CNTNAP2: variants seen among roughly 807,000 people sequenced by gnomAD.
CNTNAP2 encodes the protein contactin associated protein 2, also known as contactin-associated protein-like 2.
A neutral mutation model predicts 155.2 loss-of-function variants in CNTNAP2; 98 were observed. The ratio of observed to expected loss-of-function variants is 0.63; its 90% confidence interval spans 0.54 to 0.75. The LOEUF is 0.75. Ranked by LOEUF, CNTNAP2 falls within the 30% of genes least tolerant of loss-of-function variation. CNTNAP2 has a pLI of 0.00. For synonymous variants in CNTNAP2, 651 were observed against 631.2 expected, an observed-to-expected ratio of 1.03 and a Z score of -0.47; for missense variants, 1,727 against 1,688.1, an observed-to-expected ratio of 1.02 and a Z score of -0.40.
intron 1 of CNTNAP2, among the ~76,000 whole-genome samples, chr7:146,449,352 C>T (rs1419045374): frequency 6.6e-6 from 1 of 152,012 alleles, no homozygotes; most frequent in Non-Finnish European, 1.5e-5. Context: ...TAATTTGTGG[C>T]CCTTTTTTCC....
At chr7:146,400,266 TAAA>T (rs10618573) in intron 1 of CNTNAP2, among the ~76,000 whole-genome samples, 3 of 148,788 alleles carry the variant, frequency 2.0e-5, no homozygotes, top group South Asian at 2.1e-4. Flanking sequence ...GCTATTCTAG[TAAA>T]AAAAAAAAAT....
chr7:148,120,329 C>T (rs1563205776), intron 16 of CNTNAP2, among the ~76,000 whole-genome samples: 1 of 151,602 alleles, frequency 6.6e-6, no homozygotes, highest in African/African-American at 2.4e-5. Flanking sequence ...TGCAATGGTG[C>T]AATCATGGTT....
chr7:147,113,446 A>C (rs959210019), intron 5 of CNTNAP2, among the ~76,000 whole-genome samples: 1 of 151,948 alleles, frequency 6.6e-6, no homozygotes. Context: ...GATTTATTAA[A>C]AAAAAAAAAG....
intron 13 of CNTNAP2, among the ~76,000 whole-genome samples, chr7:147,824,275 C>T (rs1364894084): frequency 6.6e-6 from 1 of 152,090 alleles, no homozygotes; most frequent in Non-Finnish European, 1.5e-5. Context: ...TTCTTCCTTC[C>T]TTGTCTTCTA....
chr7:148,120,061 T>C (rs189088627), intron 16 of CNTNAP2, among the ~76,000 whole-genome samples: 2 of 151,628 alleles, frequency 1.3e-5, no homozygotes, highest in Admixed American at 1.3e-4. Context: ...TTTAGAAAGA[T>C]TTTATGGCCA....
At chr7:148,006,799 C>T (rs774173523) in intron 15 of CNTNAP2, among the ~76,000 whole-genome samples, 11 of 151,982 alleles carry the variant, frequency 7.2e-5, no homozygotes, top group African/African-American at 1.9e-4. Context: ...AATCATATTC[C>T]GTTCTTTCAT....
At chr7:147,043,387 A>T in intron 3 of CNTNAP2, among the ~76,000 whole-genome samples, 1 of 152,202 alleles carries the variant, frequency 6.6e-6, no homozygotes, top group East Asian at 1.9e-4. Flanking sequence ...CATGTTTCTG[A>T]TCCATTGAAC....
chr7:146,188,548 T>C (rs1798655463), intron 1 of CNTNAP2, among the ~76,000 whole-genome samples: 1 of 152,184 alleles, frequency 6.6e-6, no homozygotes, highest in South Asian at 2.1e-4. Flanking sequence ...ACACATGGCT[T>C]AGACAGGTTA....
intron 13 of CNTNAP2, among the ~76,000 whole-genome samples, chr7:147,826,556 G>A (rs947755101): frequency 2.6e-5 from 4 of 152,136 alleles, no homozygotes; most frequent in Non-Finnish European, 4.4e-5. Flanking sequence ...ATGATCCATA[G>A]ACTTATCAAA....
chr7:146,385,868 G>T (rs1376366371), intron 1 of CNTNAP2, among the ~76,000 whole-genome samples: 2 of 152,210 alleles, frequency 1.3e-5, no homozygotes, highest in African/African-American at 4.8e-5. Flanking sequence ...TATTACAACT[G>T]TTTTAAAGGA....
intron 1 of CNTNAP2, among the ~76,000 whole-genome samples, chr7:146,496,086 C>T (rs1797210963): frequency 6.6e-6 from 1 of 152,192 alleles, no homozygotes; most frequent in African/African-American, 2.4e-5. Context: ...TGAATGGGAC[C>T]TCACCACAGC....
intron 21 of CNTNAP2, among the ~76,000 whole-genome samples, chr7:148,310,913 C>T (rs1433334215): frequency 6.6e-6 from 1 of 152,060 alleles, no homozygotes; most frequent in African/African-American, 2.4e-5. Context: ...TACGAGCAAC[C>T]TTTCACTGTT....
At chr7:146,722,732 G>A (rs1394298443) in intron 1 of CNTNAP2, among the ~76,000 whole-genome samples, 3 of 151,024 alleles carry the variant, frequency 2.0e-5, no homozygotes, top group Non-Finnish European at 4.4e-5. Context: ...ATATATACAC[G>A]TTGGCGAGGT....
chr7:146,468,790 T>G (rs1796753201), intron 1 of CNTNAP2, among the ~76,000 whole-genome samples: 1 of 152,182 alleles, frequency 6.6e-6, no homozygotes, highest in Admixed American at 6.5e-5. Context: ...GTTGGGAATC[T>G]GGAAGGAGTT....
chr7:148,273,742 A>G (rs973152289), intron 21 of CNTNAP2, among the ~76,000 whole-genome samples: 18 of 152,164 alleles, frequency 1.2e-4, no homozygotes, highest in Non-Finnish European at 2.6e-4. Flanking sequence ...ATCCATTTGA[A>G]CTAACTAGAG....
chr7:146,564,203 A>G (rs1798322978), intron 1 of CNTNAP2, among the ~76,000 whole-genome samples: 2 of 152,158 alleles, frequency 1.3e-5, no homozygotes, highest in South Asian at 4.1e-4. Context: ...ATCTACATGG[A>G]CAAAAGTAGG....
intron 21 of CNTNAP2, among the ~76,000 whole-genome samples, chr7:148,367,852 T>C (rs1405047977): frequency 6.6e-6 from 1 of 151,922 alleles, no homozygotes; most frequent in African/African-American, 2.4e-5. Context: ...CCACAGCCAC[T>C]GTAATTTGCA....
At chr7:147,207,176 C>G (rs1309441925) in intron 8 of CNTNAP2, among the ~76,000 whole-genome samples, 2 of 152,094 alleles carry the variant, frequency 1.3e-5, no homozygotes, top group African/African-American at 4.8e-5. Context: ...TTCTCTGGCT[C>G]CCAGCCTTTT....
chr7:147,999,372 G>A (rs1335929414), intron 15 of CNTNAP2, among the ~76,000 whole-genome samples: 2 of 152,066 alleles, frequency 1.3e-5, no homozygotes, highest in South Asian at 2.1e-4. Context: ...CACCATGCCC[G>A]GCCAGTAGAA....
Sources: allele counts gnomAD v4.1 joint callset (sites outside exome capture counted in the v4.1 genomes callset), GRCh38; gene constraint gnomAD v4.1.1; transcripts MANE v1.5; gene names NCBI Gene and HGNC (gene_info 2026-07-23, HGNC 2026-07-21).